Variants in TAFA2 observed in about 807,000 individuals in gnomAD.
TAFA2 encodes TAFA chemokine like family member 2, also known as chemokine-like protein TAFA-2.
Under a neutral mutation model 18.8 loss-of-function variants are expected in TAFA2, and 7 were observed. The ratio of observed to expected loss-of-function variants is 0.37; its 90% confidence interval spans 0.21 to 0.70. The LOEUF (loss-of-function observed/expected upper bound fraction) is 0.70, where lower values mean the gene tolerates loss of function less well. Ranked by LOEUF, TAFA2 falls within the 30% of genes least tolerant of loss-of-function variation. The pLI is 0.53. For missense variants in TAFA2, 122 were observed against 158.1 expected (o/e 0.77, Z 1.23); for synonymous variants, 60 against 54.2 (o/e 1.11, Z -0.47).
intron 1 of TAFA2, among the ~76,000 whole-genome samples, chr12:62,161,962 A>C (rs576638193): frequency 3.5e-4 from 53 of 152,290 alleles, no homozygotes; most frequent in African/African-American, 1.3e-3. Context: ...ATTTCATTAT[A>C]CATCATTTCA....
At chr12:61,949,214 G>A (rs1878382185) in intron 1 of TAFA2, among the ~76,000 whole-genome samples, 1 of 152,130 alleles carries the variant, frequency 6.6e-6, no homozygotes, top group Non-Finnish European at 1.5e-5. Flanking sequence ...CCATGAGTAA[G>A]AGGGAACATG....
At chr12:62,059,350 A>T (rs1248215428) in intron 1 of TAFA2, among the ~76,000 whole-genome samples, 2 of 152,094 alleles carry the variant, frequency 1.3e-5, no homozygotes, top group Non-Finnish European at 2.9e-5. Flanking sequence ...GAAAGTAATT[A>T]TTGAACTGCT....
intron 1 of TAFA2, among the ~76,000 whole-genome samples, chr12:62,168,943 T>TACACACACA (rs2062458105): frequency 1.1e-5 from 1 of 92,662 alleles, no homozygotes; most frequent in Non-Finnish European, 2.2e-5. Flanking sequence ...TCACTCACTC[T>TACACACACA]CTACACACAC....
chr12:61,741,947 AG>A (rs1868472416), intron 4 of TAFA2, among the ~76,000 whole-genome samples: 1 of 152,066 alleles, frequency 6.6e-6, no homozygotes, highest in Non-Finnish European at 1.5e-5. Flanking sequence ...CCCAGGTTGG[AG>A]TGCGATGGTG....
chr12:61,880,469 G>A (rs1291513231), intron 1 of TAFA2: 1 of 537,064 alleles, frequency 1.9e-6, no homozygotes, highest in Non-Finnish European at 3.8e-6. Flanking sequence ...TGTCAAGCTG[G>A]CCCTGGACAT....
chr12:61,770,986 C>A (rs913236325), intron 2 of TAFA2, among the ~76,000 whole-genome samples: 12 of 152,020 alleles, frequency 7.9e-5, no homozygotes, highest in African/African-American at 2.9e-4. Flanking sequence ...CAAGTATCTG[C>A]AGTCTTCAAG....
intron 1 of TAFA2, among the ~76,000 whole-genome samples, chr12:61,891,426 C>A (rs1486257818): frequency 6.6e-6 from 1 of 152,118 alleles, no homozygotes; most frequent in African/African-American, 2.4e-5. Context: ...GTGGGCGGAT[C>A]CCCTGAAGTC....
intron 2 of TAFA2, among the ~76,000 whole-genome samples, chr12:61,779,808 G>A (rs909481359): frequency 7.3e-5 from 11 of 151,712 alleles, no homozygotes; most frequent in African/African-American, 2.7e-4. Context: ...TGCTGCAGGT[G>A]GCCACTAGCC....
At chr12:62,220,510 G>A (rs1456695851) in intron 1 of TAFA2, among the ~76,000 whole-genome samples, 1 of 152,110 alleles carries the variant, frequency 6.6e-6, no homozygotes, top group African/African-American at 2.4e-5. Context: ...AAAATTAATT[G>A]CGGATGCATG....
intron 1 of TAFA2, among the ~76,000 whole-genome samples, chr12:62,147,088 G>A (rs1465110034): frequency 6.6e-6 from 1 of 151,314 alleles, no homozygotes; most frequent in East Asian, 2.0e-4. Context: ...ATTCAATAAA[G>A]AGTGTTAGGA....
intron 1 of TAFA2, among the ~76,000 whole-genome samples, chr12:62,114,302 C>T (rs1207888032): frequency 6.6e-6 from 1 of 152,134 alleles, no homozygotes; most frequent in Non-Finnish European, 1.5e-5. Context: ...TGCTTTGGCT[C>T]GTCCTCCGTG....
intron 1 of TAFA2, among the ~76,000 whole-genome samples, chr12:62,006,947 T>A (rs781374439): frequency 6.6e-6 from 1 of 152,230 alleles, no homozygotes; most frequent in Non-Finnish European, 1.5e-5. Context: ...TAATATTTCT[T>A]ATCTCATAAG....
intron 4 of TAFA2, among the ~76,000 whole-genome samples, chr12:61,733,038 T>C (rs1033120277): frequency 6.6e-6 from 1 of 152,036 alleles, no homozygotes; most frequent in African/African-American, 2.4e-5. Flanking sequence ...ATGCCATGTC[T>C]TGGCTTTTAG....
intron 1 of TAFA2, among the ~76,000 whole-genome samples, chr12:61,936,221 A>C (rs1877760859): frequency 6.6e-6 from 1 of 152,200 alleles, no homozygotes; most frequent in African/African-American, 2.4e-5. Flanking sequence ...AGAATTAAAA[A>C]CAAAAATCAT....
At chr12:61,986,576 G>A (rs1225069701) in intron 1 of TAFA2, among the ~76,000 whole-genome samples, 1 of 151,882 alleles carries the variant, frequency 6.6e-6, no homozygotes, top group Non-Finnish European at 1.5e-5. Context: ...TGGGATTACA[G>A]GCATGAGCCA....
rs1592341592 is a variant in TAFA2, at chr12:62,110,471, A to G, written c.-2+80788T>C. Reference sequence around the variant, plus strand: ...TCTTGGGTCTCTGTGAGGTTTTGGTAACAGAATGATGCTGGCCTCATAAAA... The same window carrying G: ...TCTTGGGTCTCTGTGAGGTTTTGGTGACAGAATGATGCTGGCCTCATAAAA... On this transcript the variant is annotated intron_variant, in intron 1 of 4. Transcript: ENST00000416284. Among the ~76,000 whole-genome samples the G allele has an allele frequency of 5.3e-5, 8 of 152,226 alleles. No homozygotes were observed. In the South Asian group the frequency reaches 1.7e-3, roughly 32 times the overall value.
chr12:61,755,752 C>T (rs1869234571), intron 2 of TAFA2, among the ~76,000 whole-genome samples: 1 of 152,048 alleles, frequency 6.6e-6, no homozygotes, highest in South Asian at 2.1e-4. Flanking sequence ...ATTTTGTCAA[C>T]CTTGAATAAG....
intron 2 of TAFA2, among the ~76,000 whole-genome samples, chr12:61,849,061 C>A (rs1873529048): frequency 6.6e-6 from 1 of 152,126 alleles, no homozygotes; most frequent in South Asian, 2.1e-4. Context: ...CCAGGCTGCT[C>A]ATGAACTCCT....
intron 2 of TAFA2, among the ~76,000 whole-genome samples, chr12:61,812,776 G>C (rs193026764): frequency 2.0e-5 from 3 of 151,048 alleles, no homozygotes; most frequent in Admixed American, 6.6e-5. Flanking sequence ...TACCATGTTG[G>C]TCAGGCTGGT....
Sources: allele counts gnomAD v4.1 joint callset (sites outside exome capture counted in the v4.1 genomes callset), GRCh38; gene constraint gnomAD v4.1.1; transcripts MANE v1.5; gene names NCBI Gene and HGNC (gene_info 2026-07-23, HGNC 2026-07-21).